PCDH15: variants seen among roughly 807,000 people sequenced by gnomAD.
PCDH15 encodes protocadherin-15.
A neutral mutation model predicts 178.5 loss-of-function variants in PCDH15; 129 were observed. The ratio of observed to expected loss-of-function variants is 0.72; its 90% CI spans 0.63 to 0.84. The LOEUF is 0.84. Among genes scored for constraint, PCDH15 ranks in the 40% least tolerant of loss-of-function variants. PCDH15 has a pLI of 0.00. For missense variants in PCDH15, 2,230 were observed against 2,099.9 expected, an observed-to-expected ratio of 1.06 and a Z score of -1.21; for synonymous variants, 800 against 732.0, an observed-to-expected ratio of 1.09 and a Z score of -1.50.
At chr10:54,535,754 G>A (rs979923631) in intron 2 of PCDH15, among the ~76,000 whole-genome samples, 1 of 151,040 alleles carries the variant, frequency 6.6e-6, no homozygotes, top group Non-Finnish European at 1.5e-5. Context: ...GGTTCTAGGG[G>A]CTTTAGGAAA....
chr10:54,076,589 G>A (rs10763065), intron 17 of PCDH15, among the ~76,000 whole-genome samples: 69,805 of 151,278 alleles, frequency 0.46, 16,470 homozygotes, highest in Middle Eastern at 0.64. Context: ...AATTAGAATC[G>A]AAAAAGTATA....
intron 23 of PCDH15, among the ~76,000 whole-genome samples, chr10:53,955,486 A>G (rs781120068): frequency 3.9e-5 from 6 of 152,198 alleles, no homozygotes; most frequent in Non-Finnish European, 7.3e-5. Context: ...TTTATCTTTA[A>G]AATCTCTCTT....
intron 6 of PCDH15, among the ~76,000 whole-genome samples, chr10:54,337,091 A>C (rs1565003672): frequency 6.8e-6 from 1 of 147,142 alleles, no homozygotes; most frequent in South Asian, 2.1e-4. Flanking sequence ...TGTTTTTGCC[A>C]ATTTCTCTCA....
chr10:54,379,033 A>G (rs989127894), intron 3 of PCDH15, 91 bp from the exon 4 acceptor site: 74 of 1,440,414 alleles, frequency 5.1e-5, no homozygotes, highest in Non-Finnish European at 6.8e-5. Context: ...CTGGCTCACA[A>G]TCAGTTTTAA....
At chr10:55,511,321 T>C (rs561858311) in intron 2 of PCDH15, among the ~76,000 whole-genome samples, 2 of 152,150 alleles carry the variant, frequency 1.3e-5, no homozygotes, top group Non-Finnish European at 2.9e-5. Flanking sequence ...CTATATGTGC[T>C]CCTGATTACC....
At chr10:55,377,237 C>T (rs1477928530) in intron 2 of PCDH15, among the ~76,000 whole-genome samples, 1 of 150,552 alleles carries the variant, frequency 6.6e-6, no homozygotes, top group African/African-American at 2.4e-5. Flanking sequence ...TTTTAAGTTA[C>T]AACAAAAAGA....
chr10:53,892,022 T>TG (rs1564700857), intron 26 of PCDH15, among the ~76,000 whole-genome samples: 3 of 126,354 alleles, frequency 2.4e-5, no homozygotes, highest in Non-Finnish European at 4.8e-5. Context: ...ACATCTATGT[T>TG]TTTTTTTTTT....
intron 11 of PCDH15, 123 bp downstream of exon 11, chr10:54,195,560 C>A: frequency 1.3e-6 from 1 of 796,666 alleles, no homozygotes; most frequent in Non-Finnish European, 2.1e-6. Flanking sequence ...AACACTAAAA[C>A]TCACTTACAG....
At chr10:54,121,664 A>T (rs981283493) in intron 15 of PCDH15, among the ~76,000 whole-genome samples, 2 of 152,130 alleles carry the variant, frequency 1.3e-5, no homozygotes, top group African/African-American at 4.8e-5. Flanking sequence ...CTCATAGACA[A>T]CTATGAACAT....
chr10:55,565,051 A>G (rs1362282824), intron 2 of PCDH15, among the ~76,000 whole-genome samples: 1 of 151,744 alleles, frequency 6.6e-6, no homozygotes, highest in Non-Finnish European at 1.5e-5. Context: ...CAGAATATGC[A>G]TTCTTCTCAA....
chr10:54,992,687 G>T (rs1032366997), intron 2 of PCDH15, among the ~76,000 whole-genome samples: 1 of 151,680 alleles, frequency 6.6e-6, no homozygotes, highest in African/African-American at 2.4e-5. Flanking sequence ...CCTGGAAGGT[G>T]GAGCTTGCAG....
intron 18 of PCDH15, among the ~76,000 whole-genome samples, chr10:54,056,450 A>G (rs1313492690): frequency 1.3e-5 from 2 of 152,132 alleles, no homozygotes; most frequent in Non-Finnish European, 2.9e-5. Flanking sequence ...GCAAAGTCAC[A>G]CCTTACATGA....
chr10:55,151,313 C>T (rs771650683), intron 2 of PCDH15, among the ~76,000 whole-genome samples: 13 of 152,086 alleles, frequency 8.5e-5, no homozygotes, highest in Middle Eastern at 3.4e-3. Flanking sequence ...CTAATTTTTT[C>T]TTCAAAAACT....
intron 5 of PCDH15, among the ~76,000 whole-genome samples, chr10:54,363,285 C>A (rs1020785616): frequency 6.6e-6 from 1 of 152,102 alleles, no homozygotes; most frequent in African/African-American, 2.4e-5. Context: ...TAGTCTGTTA[C>A]AAGAGTCATA....
At chr10:54,834,243 G>A (rs1953274979) in intron 3 of PCDH15, among the ~76,000 whole-genome samples, 1 of 150,732 alleles carries the variant, frequency 6.6e-6, no homozygotes, top group South Asian at 2.1e-4. Context: ...AGACTGGAGT[G>A]CAGTGGCACA....
At chr10:54,761,104 C>T (rs148067633) in intron 1 of PCDH15, among the ~76,000 whole-genome samples, 6 of 152,152 alleles carry the variant, frequency 3.9e-5, no homozygotes, top group South Asian at 2.1e-4. Flanking sequence ...GCTTCCTCTA[C>T]GATGGCTTAC....
intron 8 of PCDH15, among the ~76,000 whole-genome samples, chr10:54,239,893 C>T (rs1407419235): frequency 6.6e-6 from 1 of 152,044 alleles, no homozygotes; most frequent in Non-Finnish European, 1.5e-5. Context: ...ATGATTACCT[C>T]TCAAGTAAAC....
chr10:55,014,159 G>C (rs1057431402), intron 2 of PCDH15, among the ~76,000 whole-genome samples: 2 of 151,794 alleles, frequency 1.3e-5, no homozygotes, highest in Admixed American at 1.3e-4. Flanking sequence ...AAAGTTGACT[G>C]GATAATACTA....
At chr10:54,656,500 G>T (rs574440638) in intron 2 of PCDH15, among the ~76,000 whole-genome samples, 3 of 152,200 alleles carry the variant, frequency 2.0e-5, no homozygotes, top group Admixed American at 2.0e-4. Context: ...CTCACACAGG[G>T]GTGCCCACAC....
Sources: gnomAD v4.1 joint callset for allele counts (sites outside exome capture counted in the v4.1 genomes callset) on GRCh38, gnomAD v4.1.1 for gene constraint, MANE v1.5 for transcripts, NCBI Gene and HGNC (gene_info 2026-07-23, HGNC 2026-07-21) for gene names.